The following RMND1 variants were observed in gnomAD, a reference collection of about 807,000 sequenced individuals.
RMND1 encodes required for meiotic nuclear division 1 homolog, also known as required for meiotic nuclear division protein 1 homolog.
RMND1 carries 41 observed loss-of-function variants against 54.0 expected under a neutral mutation model. The ratio of observed to expected loss-of-function variants is 0.76; its 90% confidence interval spans 0.59 to 0.98. RMND1 has a LOEUF of 0.98. Ranked by LOEUF, RMND1 falls within the 50% of genes least tolerant of loss-of-function variation. RMND1 has a pLI of 0.00. For missense variants in RMND1, 457 were observed against 532.0 expected (o/e 0.86, Z 1.39); for synonymous variants, 183 against 181.7 (o/e 1.01, Z -0.06).
intron 6 of RMND1, among the ~76,000 whole-genome samples, chr6:151,424,343 G>A (rs1465745234): frequency 6.6e-6 from 1 of 151,806 alleles, no homozygotes; most frequent in Non-Finnish European, 1.5e-5. Context: ...GGCGCCTGTA[G>A]TCCCAGCTAC....
In RMND1 at chr6:151,436,529, G is replaced by A. The variant is rs1261711776; in HGVS notation, c.530C>T (p.Ala177Val). 1.9e-6 allele frequency: 3 copies of A among 1,613,810 alleles called. No homozygotes were observed. The African/African-American group carries it at 4.0e-5, about 22-fold the overall frequency. Residue 177 changes from alanine to valine, a missense_variant, in exon 3 of 12, where the codon GCA (alanine) becomes GTA (valine). By Grantham distance (64) the Ala-to-Val change is moderately conservative. Transcript: ENST00000444024. ...NEDLMHCTAFATADEYHLGNL... is the reference protein window; with the variant it reads ...NEDLMHCTAFVTADEYHLGNL... ...TCCCAGATGATACTCATCTGCCGTT[G>A]CAAATGCTGTGCAGTGCATTAGGTC...
intron 2 of RMND1, among the ~76,000 whole-genome samples, chr6:151,441,857 C>T (rs569317329): frequency 8.5e-5 from 13 of 152,286 alleles, no homozygotes; most frequent in Middle Eastern, 3.4e-3. Flanking sequence ...TTCTGTGGGC[C>T]ATTCTAGCAA....
chr6:151,415,554 A>G (rs1779976539), intron 10 of RMND1, among the ~76,000 whole-genome samples: 1 of 152,086 alleles, frequency 6.6e-6, no homozygotes, highest in African/African-American at 2.4e-5. Context: ...ATGCTCTGTG[A>G]AAAAAGCCAG....
chr6:151,446,497 C>T (rs1310154709), intron 1 of RMND1, among the ~76,000 whole-genome samples: 1 of 151,880 alleles, frequency 6.6e-6, no homozygotes, highest in Non-Finnish European at 1.5e-5. Flanking sequence ...TGCTTTTCAG[C>T]TTGGGGCTGG....
At chr6:151,445,186 A>G (rs899039289) in intron 2 of RMND1, 122 bp downstream of exon 2, 1 of 961,202 alleles carries the variant, frequency 1.0e-6, no homozygotes, top group African/African-American at 1.6e-5. Context: ...AAAGACCTTG[A>G]TGAAGAAGTC....
chr6:151,411,058 C>A (rs1779817116), intron 10 of RMND1, among the ~76,000 whole-genome samples: 2 of 152,150 alleles, frequency 1.3e-5, no homozygotes. Context: ...CTCCCAAGTT[C>A]AAGTGATTCT....
intron 3 of RMND1, among the ~76,000 whole-genome samples, chr6:151,435,516 T>C (rs1452907939): frequency 6.6e-6 from 1 of 151,950 alleles, no homozygotes; most frequent in Non-Finnish European, 1.5e-5. Context: ...ATAAAAATCC[T>C]CAATTAAGTT....
chr6:151,450,630 G>T (rs1180065472), intron 1 of RMND1, among the ~76,000 whole-genome samples: 2 of 148,100 alleles, frequency 1.4e-5, no homozygotes, highest in Non-Finnish European at 3.0e-5. Flanking sequence ...GGTGAGGGGC[G>T]CCTCTGCCCG....
At chr6:151,419,632 C>G (rs1029842292) in intron 9 of RMND1, among the ~76,000 whole-genome samples, 2 of 148,566 alleles carry the variant, frequency 1.3e-5, no homozygotes, top group Non-Finnish European at 3.0e-5. Flanking sequence ...TATGATCATG[C>G]CACTGCACTC....
intron 2 of RMND1, among the ~76,000 whole-genome samples, chr6:151,438,838 G>T (rs1780689524): frequency 1.3e-5 from 2 of 151,598 alleles, no homozygotes; most frequent in Non-Finnish European, 2.9e-5. Context: ...CCTTGGCAAG[G>T]CCCAATGACT....
At position 151,404,923 on chromosome 6, in the gene RMND1, C is replaced by T. The variant is rs556012568; in HGVS notation, c.*312G>A. ...TCTCACTGTTGCCCTGGCTGGAGTGCAGTGGTGTGATCTTAGCTCACTGCA... is the reference window on the plus strand; with the variant it reads ...TCTCACTGTTGCCCTGGCTGGAGTGTAGTGGTGTGATCTTAGCTCACTGCA... On this transcript the variant is annotated 3_prime_UTR_variant, in exon 12 of 12. Coordinates refer to ENST00000444024, the MANE Select transcript of RMND1 (RefSeq NM_017909.4). 6.2e-5 allele frequency: 15 copies of T among 241,528 alleles called. No individual in the cohort carries two copies. In the South Asian group the frequency reaches 1.1e-3, roughly 17 times the overall value. 15.0% of individuals were successfully genotyped at this position (241,528 alleles called of 1,614,324 possible). A position where few individuals can be genotyped will look rare whatever the true frequency, so the allele number is the denominator to read the frequency against.
At chr6:151,418,059 G>T (rs1309043830) in intron 9 of RMND1, among the ~76,000 whole-genome samples, 2 of 152,094 alleles carry the variant, frequency 1.3e-5, no homozygotes, top group Non-Finnish European at 2.9e-5. Context: ...GCCTACCTCA[G>T]CCTCCCAAAG....
intron 6 of RMND1, among the ~76,000 whole-genome samples, chr6:151,424,370 G>A (rs763719963): frequency 5.2e-4 from 79 of 151,984 alleles, no homozygotes; most frequent in Middle Eastern, 6.8e-3. Flanking sequence ...GGCTGAGGCA[G>A]GAGAATGGAG....
rs757449348 is a variant in RMND1 at position 151,436,403 on chromosome 6, A to T, written c.613+43T>A. The T allele has an allele frequency of 2.5e-6, 4 of 1,610,348 alleles. No individual in the cohort carries two copies. In the Admixed American group the frequency reaches 5.0e-5, roughly 20 times the overall value. Reference sequence around the variant, plus strand: ...AGATAGTATCATAGGAAAATTATCCAATACATTTTAACATACTTGGCCCCA... The same window carrying T: ...AGATAGTATCATAGGAAAATTATCCTATACATTTTAACATACTTGGCCCCA... On this transcript the variant is annotated intron_variant, in intron 3 of 11. Coordinates refer to ENST00000444024, the MANE Select transcript of RMND1 (RefSeq NM_017909.4).
chr6:151,450,809 G>T (rs111852339), intron 1 of RMND1, among the ~76,000 whole-genome samples: 9,531 of 151,988 alleles, frequency 0.063, 411 homozygotes, highest in Middle Eastern at 0.14. Flanking sequence ...TGCCGTGTCT[G>T]TGTAGAAAGA....
At chr6:151,451,538 A>G (rs141585347) in intron 1 of RMND1, among the ~76,000 whole-genome samples, 1 of 152,308 alleles carries the variant, frequency 6.6e-6, no homozygotes, top group East Asian at 1.9e-4. Flanking sequence ...TCCAGAATGG[A>G]AGCTCCCTGA....
Position 151,433,324 on chromosome 6 carries a change from ATT to A in RMND1, c.614-96_614-95del, listed in dbSNP as rs1182790448. 8 of 703,466 alleles carry A rather than the reference ATT, an allele frequency of 1.1e-5. No individual in the cohort carries two copies. The African/African-American group carries it at 1.4e-4, about 13-fold the overall frequency. The allele number at this position is 703,466 out of a possible 1,614,324, so 43.6% of individuals were successfully genotyped here. A position where few individuals can be genotyped will look rare whatever the true frequency, so the allele number is the denominator to read the frequency against. Reference sequence around the variant, plus strand: ...ACACTGTAATAAAGTACTTAAGATCATTTCTTTATATACCATGGAGTGCTCTG... The same window carrying A: ...ACACTGTAATAAAGTACTTAAGATCATCTTTATATACCATGGAGTGCTCTG... On this transcript the variant is annotated intron_variant, in intron 3 of 11. Transcript: ENST00000444024.
At chr6:151,411,644 T>A (rs1039827188) in intron 10 of RMND1, 1 of 152,150 alleles carries the variant, frequency 6.6e-6, no homozygotes, top group Non-Finnish European at 1.5e-5. Flanking sequence ...CTTCAGTAAT[T>A]CCATCTTGAA....
intron 3 of RMND1, among the ~76,000 whole-genome samples, chr6:151,434,305 TTGTA>T (rs1780536716): frequency 6.6e-6 from 1 of 150,496 alleles, no homozygotes; most frequent in Non-Finnish European, 1.5e-5. Flanking sequence ...TTGCAAAAGG[TTGTA>T]TGTCTTAACG....
Sources: gnomAD v4.1 joint callset for allele counts (sites outside exome capture counted in the v4.1 genomes callset) on GRCh38, gnomAD v4.1.1 for gene constraint, MANE v1.5 for transcripts, NCBI Gene and HGNC (gene_info 2026-07-23, HGNC 2026-07-21) for gene names.